CDK13: variants seen among roughly 807,000 people sequenced by gnomAD.
CDK13 encodes cyclin-dependent kinase 13.
CDK13 carries 40 observed loss-of-function variants against 137.6 expected under a neutral mutation model. That is an observed-to-expected ratio of 0.29 (90% CI 0.23 to 0.38). The LOEUF is 0.38. Among genes scored for constraint, CDK13 ranks in the 10% least tolerant of loss-of-function variants. The pLI, the probability that CDK13 is intolerant of heterozygous loss-of-function variation, is 1.00. For missense variants in CDK13, 1,704 were observed against 1,951.8 expected (o/e 0.87, Z 2.39); for synonymous variants, 869 against 760.1 (o/e 1.14, Z -2.36).
At position 40,096,383 on chromosome 7, in the gene CDK13, G is replaced by A. The variant is rs1787047751; in HGVS notation, c.*1403G>A. Reference sequence around the variant, plus strand: ...ATGAAGAGCATCAAAGAATGGAGTAGTCCTTATTTAAACTGTAATGGTGTC... The same window carrying A: ...ATGAAGAGCATCAAAGAATGGAGTAATCCTTATTTAAACTGTAATGGTGTC... On this transcript the variant is annotated 3_prime_UTR_variant, in exon 14 of 14. Coordinates refer to ENST00000181839, the MANE Select transcript of CDK13 (RefSeq NM_003718.5). The A allele has an allele frequency of 6.6e-6, 1 of 151,908 alleles. No homozygotes were observed. Among genetic ancestry groups the A allele is most frequent in the Non-Finnish European group, 1.5e-5 (1 of 67,998 alleles). 9.4% of individuals were successfully genotyped at this position (151,908 alleles called of 1,614,324 possible).
rs371566821 is a variant in CDK13 at position 39,987,687 on chromosome 7, C to A, written c.1300C>A (p.Arg434Ser). The part of the protein sequence containing the change: ...SRHRLSRSRS[R>S]HSSISPSTLT... ...GCACAGATTGTCTAGATCCAGAAGT[C>A]GTCATTCTAGTATTTCTCCTAGCAC... is the stretch of plus-strand genomic sequence containing the variant. Residue 434 changes from arginine to serine, a missense_variant, in exon 2 of 14, where the codon CGT (arginine) becomes AGT (serine). Transcript: ENST00000181839. The A allele has an allele frequency of 1.2e-6, 2 of 1,613,854 alleles. No homozygotes were observed. Among genetic ancestry groups the A allele is most frequent in the Non-Finnish European group, 1.7e-6 (2 of 1,179,936 alleles).
chr7:40,062,990 T>C, intron 8 of CDK13, 33 bp from the exon 9 acceptor site: 1 of 1,606,692 alleles, frequency 6.2e-7, no homozygotes, highest in Non-Finnish European at 8.5e-7. Context: ...TTAAAATAGA[T>C]CATTTGGTAA....
At position 39,950,718 on chromosome 7, in the gene CDK13, G is replaced by A. The variant is rs1384435193; in HGVS notation, c.77G>A (p.Arg26His). 6.8e-7 allele frequency: 1 copy of A among 1,460,282 alleles called. No homozygotes were observed. The highest frequency in any genetic ancestry group is 2.4e-4 in the Middle Eastern group (1 of 4,166). 90.5% of individuals were successfully genotyped at this position (1,460,282 alleles called of 1,614,324 possible). A position where few individuals can be genotyped will look rare whatever the true frequency, so the allele number is the denominator to read the frequency against. ...GCGGAGAAGAAGTTGGAGGAACGCC[G>A]CAAGCGGAGGCGATTCCTGTCCCCT... is the stretch of plus-strand genomic sequence containing the variant. ...SWAEKKLEER[R>H]KRRRFLSPQQ... The change falls in exon 1 of 14, where the codon CGC (arginine) becomes CAC (histidine). Residue 26 changes from arginine to histidine, a missense_variant. Physicochemically the swap from Arg to His is conservative, Grantham distance 29 (BLOSUM62 0). Around this residue, in one of 5 missense-constraint regions of CDK13, gnomAD observed 1,051 missense variants for 931.0 expected, o/e 1.13. Transcript: ENST00000181839.
intron 13 of CDK13, 97 bp downstream of exon 13, chr7:40,093,334 CA>C: frequency 1.0e-6 from 1 of 986,010 alleles, no homozygotes; most frequent in Non-Finnish European, 1.5e-6. Context: ...GTGACATTGC[CA>C]AAAGATGTCC....
chr7:39,971,631 T>TCA (rs67502571), intron 1 of CDK13, among the ~76,000 whole-genome samples: 10 of 430 alleles, frequency 0.023, no homozygotes, highest in African/African-American at 0.056. Flanking sequence ...GTGTGGTGGC[T>TCA]CGCAGCACTT....
intron 9 of CDK13, chr7:40,067,190 T>C (rs901974305): frequency 3.3e-5 from 5 of 152,206 alleles, no homozygotes; most frequent in Non-Finnish European, 7.4e-5. Flanking sequence ...AACTAGCAAG[T>C]GGCAAAATTG....
chr7:40,063,078 C>T lies in CDK13; in HGVS notation c.2758C>T (p.Leu920Phe). The change falls in exon 9 of 14, where the codon CTT (leucine) becomes TTT (phenylalanine). Residue 920 changes from leucine to phenylalanine, a missense_variant. Around this residue, in one of 5 missense-constraint regions of CDK13, gnomAD observed 130 missense variants for 362.4 expected, o/e 0.36. Coordinates refer to ENST00000181839, the MANE Select transcript of CDK13 (RefSeq NM_003718.5). Reference sequence around the variant, plus strand: ...ACCTATATTTCAAGCAAATCAGGAACTTGCACAACTAGAATTAATAAGGTA... The same window carrying T: ...ACCTATATTTCAAGCAAATCAGGAATTTGCACAACTAGAATTAATAAGGTA... The part of the protein sequence containing the change: ...KKPIFQANQE[L>F]AQLELISRIC... 6.2e-7 allele frequency: 1 copy of T among 1,612,456 alleles called. No homozygotes were observed. The highest frequency in any genetic ancestry group is 8.5e-7 in the Non-Finnish European group (1 of 1,178,566).
chr7:39,999,943 G>T (rs1209515032), intron 4 of CDK13, among the ~76,000 whole-genome samples: 1 of 152,032 alleles, frequency 6.6e-6, no homozygotes, highest in African/African-American at 2.4e-5. Context: ...TAATCTTTCA[G>T]AACATAATCA....
chr7:40,089,665 TG>T (rs1210635682), intron 12 of CDK13, among the ~76,000 whole-genome samples: 1 of 151,292 alleles, frequency 6.6e-6, no homozygotes, highest in Non-Finnish European at 1.5e-5. Context: ...CATCTTTAGT[TG>T]AAGTTTTATG....
At chr7:39,974,570 T>G (rs80336978) in intron 1 of CDK13, among the ~76,000 whole-genome samples, 128,296 of 133,840 alleles carry the variant, frequency 0.96, 61,391 homozygotes, top group South Asian at 0.98. Flanking sequence ...TTTTTTTTTT[T>G]TTTTTGTTTT....
chr7:40,047,124 A>G (rs1785762252), intron 6 of CDK13, among the ~76,000 whole-genome samples: 1 of 152,056 alleles, frequency 6.6e-6, no homozygotes, highest in African/African-American at 2.4e-5. Context: ...GGATCATCTG[A>G]TAAGCAATGT....
intron 7 of CDK13, among the ~76,000 whole-genome samples, chr7:40,055,321 G>A (rs574303264): frequency 6.6e-6 from 1 of 152,040 alleles, no homozygotes; most frequent in South Asian, 2.1e-4. Flanking sequence ...CTAAGAAGTC[G>A]ACTATATGTT....
intron 2 of CDK13, among the ~76,000 whole-genome samples, chr7:39,997,241 TATC>T (rs1006637878): frequency 2.6e-5 from 4 of 152,274 alleles, no homozygotes; most frequent in Admixed American, 2.0e-4. Context: ...GATACAAAGT[TATC>T]ATTAAAGTTC....
At chr7:40,045,795 T>C (rs1785723676) in intron 5 of CDK13, 41 bp from the exon 6 acceptor site, 1 of 1,332,244 alleles carries the variant, frequency 7.5e-7, no homozygotes, top group Admixed American at 2.1e-5. Context: ...GGAAAGGTTG[T>C]AGGAATAAGT....
chr7:40,071,075 G>C (rs766930835), intron 9 of CDK13: 16 of 152,100 alleles, frequency 1.1e-4, no homozygotes, highest in Non-Finnish European at 1.9e-4. Context: ...ATTAGATTTT[G>C]GTTGTACCAG....
intron 9 of CDK13, among the ~76,000 whole-genome samples, chr7:40,064,672 T>G (rs1786237496): frequency 6.6e-6 from 1 of 151,956 alleles, no homozygotes; most frequent in Non-Finnish European, 1.5e-5. Flanking sequence ...AGCCAGAAAC[T>G]AGTAGTGCTT....
chr7:40,035,661 A>C (rs1785465974), intron 5 of CDK13, among the ~76,000 whole-genome samples: 1 of 151,942 alleles, frequency 6.6e-6, no homozygotes, highest in Admixed American at 6.6e-5. Context: ...CACTGATTGT[A>C]CATTATGGTG....
intron 5 of CDK13, among the ~76,000 whole-genome samples, chr7:40,006,270 T>A (rs1784794885): frequency 6.6e-6 from 1 of 152,192 alleles, no homozygotes; most frequent in African/African-American, 2.4e-5. Flanking sequence ...GGGATGCAGT[T>A]ACTTACATTA....
At chr7:40,080,667 A>G (rs1178970015) in intron 11 of CDK13, among the ~76,000 whole-genome samples, 1 of 152,194 alleles carries the variant, frequency 6.6e-6, no homozygotes, top group Non-Finnish European at 1.5e-5. Context: ...ACCCCTTCAA[A>G]TAACATTTTT....
Sources: gnomAD v4.1 joint callset for allele counts (sites outside exome capture counted in the v4.1 genomes callset) on GRCh38, gnomAD v4.1.1 for gene constraint, gnomAD v4.1.1 regional missense constraint, MANE v1.5 for transcripts, NCBI Gene and HGNC (gene_info 2026-07-23, HGNC 2026-07-21) for gene names.